The following PRIM2 variants were observed in gnomAD, a reference collection of about 807,000 sequenced individuals.
The protein encoded by PRIM2 is DNA primase subunit 2.
PRIM2 carries 39 observed loss-of-function variants against 67.3 expected under a neutral mutation model. That is an observed-to-expected ratio of 0.58 (90% CI 0.45 to 0.76). PRIM2 has a LOEUF of 0.76. Among genes scored for constraint, PRIM2 ranks in the 30% least tolerant of loss-of-function variants. The probability of loss-of-function intolerance (pLI) is 0.00; values close to 1 mark genes in which losing one functional copy is unlikely to be tolerated. For missense variants in PRIM2, 398 were observed against 598.7 expected, an observed-to-expected ratio of 0.66 and a Z score of 3.50; for synonymous variants, 143 against 198.7, an observed-to-expected ratio of 0.72 and a Z score of 2.36.
the PRIM2 span, among the ~76,000 whole-genome samples, chr6:57,255,295 A>G: frequency 8.5e-5 from 13 of 152,150 alleles, no homozygotes; most frequent in Non-Finnish European, 1.3e-4. Context: ...TCAGGAGATC[A>G]AGACCATCCT....
chr6:57,603,746 G>A (rs1776512719), intron 11 of PRIM2, among the ~76,000 whole-genome samples: 1 of 151,308 alleles, frequency 6.6e-6, no homozygotes, highest in African/African-American at 2.4e-5. Context: ...GATAGAAATA[G>A]CATTGAATCT....
rs924707589 is a variant in PRIM2, at chr6:57,324,371, G to A, written c.338+91G>A. ...AGTTGATGTGTTGTGCTAAACATAG[G>A]AAAACCCAGAATAACATCAGGAGCC... On this transcript the variant is annotated intron_variant, in intron 4 of 13. Coordinates refer to ENST00000615550, the MANE Select transcript of PRIM2 (RefSeq NM_000947.5). 5 of 688,642 alleles carry A rather than the reference G, an allele frequency of 7.3e-6. No individual in the cohort carries two copies. The Admixed American group carries it at 1.2e-4, about 16-fold the overall frequency. 42.7% of individuals were successfully genotyped at this position (688,642 alleles called of 1,614,324 possible). A position where few individuals can be genotyped will look rare whatever the true frequency, so the allele number is the denominator to read the frequency against.
At chr6:57,436,863 T>A (rs9382736) in intron 7 of PRIM2, among the ~76,000 whole-genome samples, 72,274 of 152,068 alleles carry the variant, frequency 0.48, 18,806 homozygotes, top group South Asian at 0.63. Context: ...AAGTGCTTAC[T>A]ACTTAAGATT....
intron 7 of PRIM2, among the ~76,000 whole-genome samples, chr6:57,392,322 ATAGT>A (rs1471780691): frequency 1.2e-4 from 18 of 152,260 alleles, no homozygotes; most frequent in African/African-American, 4.3e-4. Flanking sequence ...GCAAACAGGG[ATAGT>A]TTGATTTCCT....
At chr6:57,626,523 AAATCAGT>A (rs1776951151) in intron 12 of PRIM2, among the ~76,000 whole-genome samples, 1 of 152,220 alleles carries the variant, frequency 6.6e-6, no homozygotes, top group Non-Finnish European at 1.5e-5. Flanking sequence ...CAGAAAAAAA[AAATCAGT>A]AATTCATCTT....
intron 10 of PRIM2, among the ~76,000 whole-genome samples, chr6:57,552,233 C>G (rs1296824732): frequency 2.6e-4 from 40 of 152,268 alleles, no homozygotes; most frequent in South Asian, 2.3e-3. Context: ...GTGGCCTGGG[C>G]TTACATGAGG....
intron 8 of PRIM2, among the ~76,000 whole-genome samples, chr6:57,521,695 T>C (rs1162854879): frequency 5.9e-5 from 9 of 152,186 alleles, no homozygotes; most frequent in Non-Finnish European, 2.9e-5. Context: ...TTTATTCTAG[T>C]TTAAAAAATA....
At chr6:57,221,608 C>G in the PRIM2 span, 1 of 152,444 alleles carries the variant, frequency 6.6e-6, no homozygotes, top group East Asian at 1.9e-4. Context: ...CCGGGTCGCC[C>G]CTTCCCCAGT....
the PRIM2 span, chr6:57,221,941 A>T: frequency 1.3e-5 from 2 of 152,542 alleles, no homozygotes; most frequent in Admixed American, 1.3e-4. Flanking sequence ...AGTCTTCCCC[A>T]GTGGAGCCGG....
At chr6:57,337,320 T>C (rs1050714603) in intron 5 of PRIM2, among the ~76,000 whole-genome samples, 3 of 151,966 alleles carry the variant, frequency 2.0e-5, no homozygotes, top group African/African-American at 4.8e-5. Flanking sequence ...AAGTCAACAA[T>C]GATACCCAGG....
chr6:57,386,246 GCAACAA>G lies in PRIM2; in HGVS notation c.693+4094_693+4099del, dbSNP rs922780706. ...ACTAAAAACAACAACAACAACAACA[GCAACAA>G]CAACAACAACAACAAAATAGCCAGT... On this transcript the variant is annotated intron_variant, in intron 7 of 13. Transcript: ENST00000615550. 3.8e-4 allele frequency among the ~76,000 whole-genome samples: 54 copies of G among 142,094 alleles called. 1 individual carries two copies. Among genetic ancestry groups the G allele is most frequent in the Non-Finnish European group, 5.7e-4 (36 of 62,942 alleles). The allele number at this position is 142,094 out of a possible 152,430, so 93.2% of individuals were successfully genotyped here. A position where few individuals can be genotyped will look rare whatever the true frequency, so the allele number is the denominator to read the frequency against.
chr6:57,410,331 CAAA>C (rs66631802), intron 7 of PRIM2, among the ~76,000 whole-genome samples: 55 of 105,354 alleles, frequency 5.2e-4, no homozygotes, highest in African/African-American at 1.5e-3. Flanking sequence ...AACGCCATCT[CAAA>C]AAAAAAAAAA....
intron 12 of PRIM2, among the ~76,000 whole-genome samples, chr6:57,624,118 A>C (rs1203566656): frequency 1.2e-3 from 182 of 152,330 alleles, no homozygotes; most frequent in Non-Finnish European, 2.2e-3. Context: ...TAGGCCAAAA[A>C]ATAGAATACT....
chr6:57,283,015 T>C, the PRIM2 span, among the ~76,000 whole-genome samples: 1 of 150,980 alleles, frequency 6.6e-6, no homozygotes, highest in African/African-American at 2.5e-5. Context: ...TCATCATTAA[T>C]TGTTTTGCTT....
chr6:57,520,693 G>C (rs1444237536), intron 8 of PRIM2, among the ~76,000 whole-genome samples: 4 of 152,132 alleles, frequency 2.6e-5, no homozygotes, highest in African/African-American at 9.6e-5. Context: ...CCGTTTAAAG[G>C]GTATAGTTCA....
chr6:57,608,887 A>C (rs1157763856), intron 12 of PRIM2, among the ~76,000 whole-genome samples: 1 of 152,108 alleles, frequency 6.6e-6, no homozygotes, highest in Non-Finnish European at 1.5e-5. Context: ...GAAAGAAAAT[A>C]TCTCTCTAAC....
chr6:57,398,975 T>C lies in PRIM2; in HGVS notation c.693+16807T>C, dbSNP rs538762859. On this transcript the variant is annotated intron_variant, in intron 7 of 13. Coordinates refer to ENST00000615550, the MANE Select transcript of PRIM2 (RefSeq NM_000947.5). The stretch of plus-strand genomic sequence containing the variant: ...TCTGAAATTGGGATTGCAACCCCTG[T>C]TTTTTTCTGATTTCCATTTGCTTGG... Among the ~76,000 whole-genome samples the C allele has an allele frequency of 1.3e-3, 191 of 152,138 alleles. 5 individuals carry two copies. The East Asian group carries it at 0.016, about 13-fold the overall frequency.
intron 7 of PRIM2, among the ~76,000 whole-genome samples, chr6:57,483,532 G>A (rs1773679058): frequency 6.6e-6 from 1 of 152,156 alleles, no homozygotes; most frequent in South Asian, 2.1e-4. Flanking sequence ...CAAACTTTAT[G>A]AGTCTTGGAT....
At chr6:57,612,284 T>C (rs1212137967) in intron 12 of PRIM2, among the ~76,000 whole-genome samples, 2 of 152,214 alleles carry the variant, frequency 1.3e-5, no homozygotes, top group Non-Finnish European at 2.9e-5. Context: ...AATCTGTTCC[T>C]AAGTGTTTAT....
Sources: gnomAD v4.1 joint callset for allele counts (sites outside exome capture counted in the v4.1 genomes callset) on GRCh38, gnomAD v4.1.1 for gene constraint, MANE v1.5 for transcripts, NCBI Gene and HGNC (gene_info 2026-07-23, HGNC 2026-07-21) for gene names.